PRSS56: variants seen among roughly 807,000 people sequenced by gnomAD.
PRSS56 encodes protease, serine 56.
A neutral mutation model predicts 66.8 loss-of-function variants in PRSS56; 55 were observed. The ratio of observed to expected loss-of-function variants is 0.82; its 90% confidence interval spans 0.66 to 1.03. The LOEUF is 1.03. Among genes scored for constraint, PRSS56 ranks in the 50% least tolerant of loss-of-function variants. The pLI is 0.00. For synonymous variants in PRSS56, 409 were observed against 387.9 expected, an observed-to-expected ratio of 1.05 and a Z score of -0.64; for missense variants, 869 against 837.2, an observed-to-expected ratio of 1.04 and a Z score of -0.47.
chr2:232,523,978 G>C (rs1017319667), intron 9 of PRSS56, 33 bp downstream of exon 9: 1 of 1,522,160 alleles, frequency 6.6e-7, no homozygotes, highest in African/African-American at 1.4e-5. Flanking sequence ...CGGACGGGGG[G>C]CAGAGGGGAG....
chr2:232,522,317 C>A (rs1691298371), intron 4 of PRSS56, among the ~76,000 whole-genome samples, 157 bp downstream of exon 4: 1 of 152,084 alleles, frequency 6.6e-6, no homozygotes, highest in African/African-American at 2.4e-5. Flanking sequence ...GCCGCGCCCG[C>A]CCCGCCAGGA....
At chr2:232,522,887 G>A (rs1472658361) in intron 6 of PRSS56, 26 bp downstream of exon 6, 2 of 1,448,222 alleles carry the variant, frequency 1.4e-6, no homozygotes, top group Non-Finnish European at 1.8e-6. Context: ...GAGCCGGCGC[G>A]TGGTGGGAAG....
intron 12 of PRSS56, 97 bp from the exon 13 acceptor site, chr2:232,525,119 G>C: frequency 2.4e-6 from 3 of 1,233,698 alleles, no homozygotes; most frequent in Non-Finnish European, 3.3e-6. Flanking sequence ...AGGTCTAGGT[G>C]AGAGTTTCTG....
chr2:232,523,656 C>A, intron 8 of PRSS56, 78 bp downstream of exon 8: 1 of 1,510,730 alleles, frequency 6.6e-7, no homozygotes, highest in Non-Finnish European at 8.8e-7. Context: ...CCACCCGGCC[C>A]ATGCCCATTC....
Position 232,520,663 on chromosome 2 carries a change from T to C in PRSS56, c.65T>C (p.Leu22Pro). Reference sequence around the variant, plus strand: ...TCATGGTTTGCCCACGGGCACCCACTGTACACACGCCTGCCCCCCAGCGCC... The same window carrying C: ...TCATGGTTTGCCCACGGGCACCCACCGTACACACGCCTGCCCCCCAGCGCC... ...PSSWFAHGHP[L>P]YTRLPPSALQ... Residue 22 changes from leucine to proline, a missense_variant, in exon 1 of 13, where the codon CTG becomes CCG. By Grantham distance (98) the Leu-to-Pro change is moderately conservative. This residue lies in a region of PRSS56 where 315 missense variants were observed against 313.7 expected (regional missense o/e 1.00). Coordinates refer to ENST00000617714, the MANE Select transcript of PRSS56 (RefSeq NM_001195129.2). The C allele has an allele frequency of 6.5e-7, 1 of 1,535,840 alleles. No individual in the cohort carries two copies. The highest frequency in any genetic ancestry group is 8.7e-7 in the Non-Finnish European group (1 of 1,146,716).
In PRSS56 at chr2:232,525,631, G is replaced by T; in HGVS notation, c.*125G>T. ...GGGTGTGTGTGGGTGGGATGGGGTGGGGGTCCTGGGCCCCCCGTGTCTTCC... is the reference window on the plus strand; with the variant it reads ...GGGTGTGTGTGGGTGGGATGGGGTGTGGGTCCTGGGCCCCCCGTGTCTTCC... On this transcript the variant is annotated 3_prime_UTR_variant, in exon 13 of 13. Transcript: ENST00000617714. 3.3e-6 allele frequency: 2 copies of T among 597,966 alleles called. No homozygotes were observed. The highest frequency in any genetic ancestry group is 5.5e-6 in the Non-Finnish European group (2 of 365,288). 37.0% of individuals were successfully genotyped at this position (597,966 alleles called of 1,614,324 possible).
At chr2:232,525,033 TG>T (rs1334921247) in intron 12 of PRSS56, among the ~76,000 whole-genome samples, 182 bp from the exon 13 acceptor site, 1 of 17,114 alleles carries the variant, frequency 5.8e-5, no homozygotes, top group Non-Finnish European at 1.1e-4. Flanking sequence ...GCCAGGCCAC[TG>T]GGGGTGGTGG....
At position 232,523,889 on chromosome 2, in the gene PRSS56, A is replaced by G. The variant is rs2106202190; in HGVS notation, c.1130A>G (p.Gln377Arg). Residue 377 changes from glutamine (Q) to arginine (R), a missense_variant, in exon 9 of 13, where the codon CAG (glutamine) becomes CGG (arginine). Physicochemically the swap from Gln to Arg is conservative, Grantham distance 43. This residue lies in a region of PRSS56 where 551 missense variants were observed against 506.9 expected (regional missense o/e 1.09). Transcript: ENST00000617714. ...TATGCCCGCCTGTGCCCGGGGTCCC[A>G]GGGCGCCTGTGCGCGCCTGGCGCAC... ...AFYARLCPGS[Q>R]GACARLAHQQ... 2 of 1,524,846 alleles carry G rather than the reference A, an allele frequency of 1.3e-6. No homozygotes were observed. Among genetic ancestry groups the G allele is most frequent in the Non-Finnish European group, 1.8e-6 (2 of 1,141,242 alleles). The allele number at this position is 1,524,846 out of a possible 1,614,324, so 94.5% of individuals were successfully genotyped here. A position where few individuals can be genotyped will look rare whatever the true frequency, so the allele number is the denominator to read the frequency against.
In PRSS56 at chr2:232,525,570, G is replaced by T; in HGVS notation, c.*64G>T. On this transcript the variant is annotated 3_prime_UTR_variant, in exon 13 of 13. Coordinates refer to ENST00000617714, the MANE Select transcript of PRSS56 (RefSeq NM_001195129.2). ...GCTCCCAGGGGCTGAGAGGGGTTCG[G>T]GAGCATAATGACAAACTGTCGCTGC... The T allele has an allele frequency of 1.5e-6, 2 of 1,339,184 alleles. No homozygotes were observed. Among genetic ancestry groups the T allele is most frequent in the Admixed American group, 3.1e-5 (1 of 32,514 alleles). The allele number at this position is 1,339,184 out of a possible 1,614,324, so 83.0% of individuals were successfully genotyped here. A position where few individuals can be genotyped will look rare whatever the true frequency, so the allele number is the denominator to read the frequency against.
At position 232,524,281 on chromosome 2, in the gene PRSS56, G is replaced by C. The variant is rs1270228829; in HGVS notation, c.1352-26G>C. The C allele has an allele frequency of 7.8e-6, 12 of 1,535,482 alleles. No individual in the cohort carries two copies. In the Admixed American group the frequency reaches 2.0e-4, roughly 25 times the overall value. On this transcript the variant is annotated intron_variant, in intron 10 of 12. Coordinates refer to ENST00000617714, the MANE Select transcript of PRSS56 (RefSeq NM_001195129.2). ...GCACAGCCACTTTCTCCGCCGAGGC[G>C]GTACCCTAACCCTGTGCCTCCCCAG...
Position 232,525,526 on chromosome 2 carries a change from C to A in PRSS56, c.*20C>A, listed in dbSNP as rs1691412485. On this transcript the variant is annotated 3_prime_UTR_variant, in exon 13 of 13. Coordinates refer to ENST00000617714, the MANE Select transcript of PRSS56 (RefSeq NM_001195129.2). ...CCCTGAGCCATGTCTGGGCCCCCAG[C>A]CCCTGGGGAGGACCTACTGCTCCCA... The A allele has an allele frequency of 6.9e-7, 1 of 1,443,982 alleles. No homozygotes were observed. The highest frequency in any genetic ancestry group is 9.1e-7 in the Non-Finnish European group (1 of 1,099,114). 89.4% of individuals were successfully genotyped at this position (1,443,982 alleles called of 1,614,324 possible).
Position 232,524,111 on chromosome 2 carries a change from G to T in PRSS56, c.1259G>T (p.Gly420Val), listed in dbSNP as rs762126168. The T allele has an allele frequency of 2.0e-6, 3 of 1,515,444 alleles. No individual in the cohort carries two copies. In the South Asian group the frequency reaches 3.7e-5, roughly 19 times the overall value. The allele number at this position is 1,515,444 out of a possible 1,614,324, so 93.9% of individuals were successfully genotyped here. A position where few individuals can be genotyped will look rare whatever the true frequency, so the allele number is the denominator to read the frequency against. The stretch of plus-strand genomic sequence containing the variant: ...CAGGAGCTGCTCGGGCCTCGTCCGG[G>T]ACTGCGGCGCCTGGCCCCCGCCCTG... ...NAQELLGPRPGLRRLAPALAL... is the reference protein window; with the variant it reads ...NAQELLGPRPVLRRLAPALAL... Residue 420 changes from glycine to valine, a missense_variant, in exon 10 of 13, where the codon GGA becomes GTA. By Grantham distance (109) the Gly-to-Val change is moderately radical (BLOSUM62 -3). This residue lies in a region of PRSS56 where 551 missense variants were observed against 506.9 expected (regional missense o/e 1.09). Transcript: ENST00000617714.
intron 4 of PRSS56, 158 bp from the exon 5 acceptor site, chr2:232,522,357 G>A: frequency 4.9e-6 from 4 of 809,714 alleles, no homozygotes; most frequent in Non-Finnish European, 7.0e-6. Context: ...GCACGGCCGG[G>A]CGAGTTCGCC....
Position 232,521,793 on chromosome 2 carries a change from CTCAAAGGT to C in PRSS56, c.206-22_206-15del. 6.5e-7 allele frequency: 1 copy of C among 1,535,514 alleles called. No homozygotes were observed. Among genetic ancestry groups the C allele is most frequent in the Non-Finnish European group, 8.7e-7 (1 of 1,146,506 alleles). ...GACAGGCGAGAGGGCAGCAGTGAGA[CTCAAAGGT>C]CTGTTTCTCTGCAGGATCTGGGCGC... On this transcript the variant is annotated splice_polypyrimidine_tract_variant and intron_variant, in intron 2 of 12. Coordinates refer to ENST00000617714, the MANE Select transcript of PRSS56 (RefSeq NM_001195129.2).
At chr2:232,525,159 G>C in intron 12 of PRSS56, 57 bp from the exon 13 acceptor site, 5 of 1,418,800 alleles carry the variant, frequency 3.5e-6, no homozygotes, top group Non-Finnish European at 4.6e-6. Flanking sequence ...GTGACCTCTG[G>C]GGTTTCAACT....
At chr2:232,524,696 C>G in intron 11 of PRSS56, 42 bp from the exon 12 acceptor site, 2 of 1,414,262 alleles carry the variant, frequency 1.4e-6, no homozygotes, top group Non-Finnish European at 1.9e-6. Flanking sequence ...AGTTCCATAC[C>G]GCAACCGTTC....
chr2:232,521,437 C>G lies in PRSS56; in HGVS notation c.205+9C>G, dbSNP rs1197322261. ...ATCGCACGAGTGCCGAGGTGCCCAC[C>G]CTGCCCCCCGTGCCCCAGTGAGCTT... On this transcript the variant is annotated intron_variant, in intron 2 of 12. Transcript: ENST00000617714. 1 of 1,533,574 alleles carries G rather than the reference C, an allele frequency of 6.5e-7. No homozygotes were observed. Among genetic ancestry groups the G allele is most frequent in the Admixed American group, 2.0e-5 (1 of 50,978 alleles). 95.0% of individuals were successfully genotyped at this position (1,533,574 alleles called of 1,614,324 possible).
chr2:232,524,013 C>T, intron 9 of PRSS56, 26 bp from the exon 10 acceptor site: 1 of 1,525,240 alleles, frequency 6.6e-7, no homozygotes, highest in South Asian at 1.2e-5. Flanking sequence ...CTCTGACCGC[C>T]GCTCCGACTC....
At position 232,523,184 on chromosome 2, in the gene PRSS56, G is replaced by T. The variant is rs574435812; in HGVS notation, c.831G>T (p.Gly277=). 3.2e-5 allele frequency: 47 copies of T among 1,481,286 alleles called. 1 individual carries two copies. In the South Asian group the frequency reaches 5.8e-4, roughly 18 times the overall value. 91.8% of individuals were successfully genotyped at this position (1,481,286 alleles called of 1,614,324 possible). ...STMLCAGYLA[G]GVDSCQGDSG... is the part of the protein sequence containing the mutation. Reference sequence around the variant, plus strand: ...TGCTCTGCGCCGGGTACCTGGCGGGGGGCGTTGACTCGTGCCAGGTATGAA... The same window carrying T: ...TGCTCTGCGCCGGGTACCTGGCGGGTGGCGTTGACTCGTGCCAGGTATGAA... The change falls in exon 7 of 13, where the codon GGG becomes GGT. Residue 277 remains glycine (G), a synonymous_variant. Coordinates refer to ENST00000617714, the MANE Select transcript of PRSS56 (RefSeq NM_001195129.2).
Sources: allele counts gnomAD v4.1 joint callset (sites outside exome capture counted in the v4.1 genomes callset), GRCh38; gene constraint gnomAD v4.1.1; regional missense constraint gnomAD v4.1.1; transcripts MANE v1.5; gene names NCBI Gene and HGNC (gene_info 2026-07-23, HGNC 2026-07-21).